FAM53A: variants seen among roughly 807,000 people sequenced by gnomAD.
FAM53A encodes the protein family with sequence similarity 53 member A.
A neutral mutation model predicts 26.6 loss-of-function variants in FAM53A; 28 were observed. The observed-to-expected ratio is 1.05, with a 90% CI of 0.78 to 1.45. FAM53A has a LOEUF of 1.45. Ranked by LOEUF, FAM53A falls within the 40% of genes most tolerant of loss-of-function variation. FAM53A has a pLI of 0.00. For missense variants in FAM53A, 650 were observed against 575.8 expected (o/e 1.13, Z -1.32); for synonymous variants, 290 against 253.1 (o/e 1.15, Z -1.38).
intron 1 of FAM53A, among the ~76,000 whole-genome samples, chr4:1,627,634 G>C (rs1208916210): frequency 1.3e-5 from 2 of 152,228 alleles, no homozygotes; most frequent in Non-Finnish European, 2.9e-5. Flanking sequence ...CTCCAGGGCA[G>C]AGACAGTGTC....
In FAM53A at chr4:1,640,336, T is replaced by G; in HGVS notation, c.*957A>C. The G allele has an allele frequency of 4.6e-6, 1 of 218,380 alleles. No individual in the cohort carries two copies. Among genetic ancestry groups the G allele is most frequent in the Non-Finnish European group, 8.9e-6 (1 of 112,276 alleles). 13.5% of individuals were successfully genotyped at this position (218,380 alleles called of 1,614,324 possible). ...CGCAAGCCCCAAGCACCGTGACCCG[T>G]CGGGAGGGGGGGACACACGGGGCCA... On this transcript the variant is annotated 3_prime_UTR_variant, in exon 5 of 5. Coordinates refer to ENST00000308132, the MANE Select transcript of FAM53A (RefSeq NM_001174070.3).
chr4:1,584,002 G>C, the FAM53A span, among the ~76,000 whole-genome samples: 4 of 152,164 alleles, frequency 2.6e-5, no homozygotes, highest in African/African-American at 4.8e-5. Context: ...TCTCCTGTTC[G>C]TGTCTCTGCC....
the FAM53A span, among the ~76,000 whole-genome samples, chr4:1,591,918 CTCCTT>C: frequency 6.6e-6 from 1 of 152,212 alleles, no homozygotes; most frequent in Admixed American, 6.5e-5. Flanking sequence ...TTTTGGGGGC[CTCCTT>C]CTTGGGTGCA....
chr4:1,610,667 TG>T, the FAM53A span, among the ~76,000 whole-genome samples: 1 of 140,232 alleles, frequency 7.1e-6, no homozygotes, highest in Admixed American at 7.1e-5. Context: ...CGGCCTGGGG[TG>T]GGGGACAGAG....
intron 3 of FAM53A, among the ~76,000 whole-genome samples, chr4:1,656,142 G>A (rs902364655): frequency 7.9e-5 from 12 of 152,176 alleles, no homozygotes; most frequent in Non-Finnish European, 1.8e-4. Context: ...AAGCAGCTCA[G>A]GTCCCTTAGT....
At chr4:1,591,002 A>ACACAC in the FAM53A span, among the ~76,000 whole-genome samples, 1 of 116,204 alleles carries the variant, frequency 8.6e-6, no homozygotes, top group African/African-American at 3.5e-5. Context: ...ATATATATAT[A>ACACAC]ATCATTCTAT....
chr4:1,655,264 TC>T lies in FAM53A; in HGVS notation c.595del (p.Glu199ArgfsTer92). ...GAGCGGGCCTGAGCCCGCACTGCCC[TC>T]GCTGCTGTCCACGAAGCCGCCGCTG... ...SASGGFVDSSEGSAGSGPLWC... is the reference protein window; with the variant it reads ...SASGGFVDSSXGSAGSGPLWC... On this transcript the variant is annotated frameshift_variant, in exon 4 of 5. Transcript: ENST00000308132. LOFTEE classifies it high-confidence loss of function. The T allele has an allele frequency of 6.9e-7, 1 of 1,443,124 alleles. No individual in the cohort carries two copies. The highest frequency in any genetic ancestry group is 9.0e-7 in the Non-Finnish European group (1 of 1,106,192). 89.4% of individuals were successfully genotyped at this position (1,443,124 alleles called of 1,614,324 possible).
At chr4:1,604,958 G>C in the FAM53A span, among the ~76,000 whole-genome samples, 3 of 151,890 alleles carry the variant, frequency 2.0e-5, no homozygotes, top group Non-Finnish European at 4.4e-5. Flanking sequence ...CAACACGCAC[G>C]TGGGGCCTCC....
chr4:1,644,165 C>T (rs775325150), intron 4 of FAM53A: 10 of 1,532,366 alleles, frequency 6.5e-6, no homozygotes, highest in South Asian at 4.8e-5. Flanking sequence ...ACACACGCAC[C>T]GGGGTGGCGG....
chr4:1,655,416 G>T lies in FAM53A; in HGVS notation c.444C>A (p.Val148=). 1 of 1,488,588 alleles carries T rather than the reference G, an allele frequency of 6.7e-7. No homozygotes were observed. Among genetic ancestry groups the T allele is most frequent in the South Asian group, 1.4e-5 (1 of 73,274 alleles). 92.2% of individuals were successfully genotyped at this position (1,488,588 alleles called of 1,614,324 possible). The change falls in exon 4 of 5, where the codon GTC becomes GTA. Residue 148 remains valine, a synonymous_variant. Coordinates refer to ENST00000308132, the MANE Select transcript of FAM53A (RefSeq NM_001174070.3). The stretch of plus-strand genomic sequence containing the variant: ...CGCCGCTGTCGCACCGCCTCTTGGA[G>T]ACTGGAGTCCAGACCTTGGAGCTGC... ...RPGSSKVWTP[V]SKRRCDSGGS...
intron 2 of FAM53A, 73 bp downstream of exon 2, chr4:1,668,594 T>C: frequency 6.4e-7 from 1 of 1,566,792 alleles, no homozygotes; most frequent in Non-Finnish European, 8.8e-7. Context: ...CACCTCCACC[T>C]CCCAGTGTGG....
At chr4:1,649,549 G>C (rs1261817887) in intron 4 of FAM53A, among the ~76,000 whole-genome samples, 1 of 152,262 alleles carries the variant, frequency 6.6e-6, no homozygotes, top group Non-Finnish European at 1.5e-5. Flanking sequence ...AGGTCACACA[G>C]GGCTCTGTGG....
rs765794290 is a variant in FAM53A at position 1,668,750 on chromosome 4, C to A, written c.-9G>T. ...GTGATGAGTGTGACCATGGTCGGGG[C>A]CCCGTGTCCTCCGTCCACACCAACA... is the stretch of plus-strand genomic sequence containing the variant. On this transcript the variant is annotated 5_prime_UTR_variant, in exon 2 of 5. Coordinates refer to ENST00000308132, the MANE Select transcript of FAM53A (RefSeq NM_001174070.3). The A allele has an allele frequency of 4.3e-6, 7 of 1,614,060 alleles. No homozygotes were observed. The highest frequency in any genetic ancestry group is 5.9e-6 in the Non-Finnish European group (7 of 1,179,970).
chr4:1,662,281 C>G (rs1172964080), intron 2 of FAM53A, among the ~76,000 whole-genome samples: 3 of 151,898 alleles, frequency 2.0e-5, no homozygotes, highest in Non-Finnish European at 4.4e-5. Context: ...GAGTTCAAGA[C>G]CAGCCTGGCC....
the FAM53A span, among the ~76,000 whole-genome samples, chr4:1,586,201 T>C: frequency 6.6e-6 from 1 of 152,132 alleles, no homozygotes; most frequent in African/African-American, 2.4e-5. Flanking sequence ...TGATTTTTTT[T>C]TTATTTTTTG....
At chr4:1,585,207 T>A in the FAM53A span, among the ~76,000 whole-genome samples, 1 of 152,164 alleles carries the variant, frequency 6.6e-6, no homozygotes, top group South Asian at 2.1e-4. Context: ...GAACTTACTC[T>A]TCCAATCTAT....
chr4:1,619,742 C>T (rs1263372882), intron 1 of FAM53A, among the ~76,000 whole-genome samples: 1 of 152,194 alleles, frequency 6.6e-6, no homozygotes. Context: ...TTGTACCACT[C>T]AGGGCCCTGG....
At position 1,641,382 on chromosome 4, in the gene FAM53A, C is replaced by G. The variant is rs768684936; in HGVS notation, c.1108G>C (p.Asp370His). Residue 370 changes from aspartate (D) to histidine (H), a missense_variant, in exon 5 of 5, where the codon GAC (aspartate) becomes CAC (histidine). Transcript: ENST00000308132. ...CCGACACTGTCCCCATCACGGGGGT[C>G]CCCGCTGCTCCTGCGGGAGCCATCA... ...TSDGSRRSSG[D>H]PRDGDSVGEE... The G allele has an allele frequency of 3.7e-6, 6 of 1,610,494 alleles. No homozygotes were observed. Among genetic ancestry groups the G allele is most frequent in the Non-Finnish European group, 3.4e-6 (4 of 1,178,974 alleles).
chr4:1,604,870 C>A, the FAM53A span, among the ~76,000 whole-genome samples: 1 of 152,188 alleles, frequency 6.6e-6, no homozygotes, highest in Admixed American at 6.5e-5. Context: ...CTGCCCCGCT[C>A]CCGCAGTGCT....
Sources: gnomAD v4.1 joint callset for allele counts (sites outside exome capture counted in the v4.1 genomes callset) on GRCh38, gnomAD v4.1.1 for gene constraint, MANE v1.5 for transcripts, NCBI Gene and HGNC (gene_info 2026-07-23, HGNC 2026-07-21) for gene names.